CSAD: variants seen among roughly 807,000 people sequenced by gnomAD.
CSAD encodes the protein cysteine sulfinic acid decarboxylase.
In CSAD, 47 loss-of-function variants were observed where a neutral mutation model predicts 61.5. The observed-to-expected ratio is 0.76, with a 90% CI of 0.60 to 0.97. The LOEUF (loss-of-function observed/expected upper bound fraction) is 0.97, where lower values mean the gene tolerates loss of function less well. Among genes scored for constraint, CSAD ranks in the 50% least tolerant of loss-of-function variants. The probability of loss-of-function intolerance (pLI) is 0.00; values close to 1 mark genes in which losing one functional copy is unlikely to be tolerated. For synonymous variants in CSAD, 245 were observed against 252.7 expected (o/e 0.97, Z 0.29); for missense variants, 611 against 643.6 (o/e 0.95, Z 0.55).
At position 53,178,513 on chromosome 12, in the gene CSAD, C is replaced by T. The variant is rs144475546; in HGVS notation, c.-50+589G>A. The T allele has an allele frequency of 1.6e-3, 522 of 318,516 alleles. 2 individuals are homozygous for T. The highest frequency in any genetic ancestry group is 0.011 in the African/African-American group (480 of 45,144). 19.7% of individuals were successfully genotyped at this position (318,516 alleles called of 1,614,324 possible). On this transcript the variant is annotated intron_variant, in intron 2 of 16. Coordinates refer to ENST00000444623, the MANE Select transcript of CSAD (RefSeq NM_001244705.2). ...TCTTTAAACAGAATGAAAATAGGGC[C>T]GGGTGTGGTGGCTCACACCTGGAAT...
chr12:53,160,706 G>A (rs1490378322), intron 13 of CSAD, 57 bp downstream of exon 13: 1 of 1,409,034 alleles, frequency 7.1e-7, no homozygotes, highest in Non-Finnish European at 9.8e-7. Flanking sequence ...AGGTGGGATA[G>A]AGAAGGCAGA....
intron 10 of CSAD, among the ~76,000 whole-genome samples, chr12:53,165,596 G>C (rs574115402): frequency 1.3e-4 from 19 of 149,030 alleles, no homozygotes; most frequent in Non-Finnish European, 2.1e-4. Flanking sequence ...CTGGGAGGCG[G>C]AGCTTGCAGT....
intron 4 of CSAD, 107 bp from the exon 5 acceptor site, chr12:53,172,755 T>C: frequency 8.0e-7 from 1 of 1,246,484 alleles, no homozygotes; most frequent in Non-Finnish European, 1.1e-6. Flanking sequence ...AAAAACAACT[T>C]CGGGATATTT....
At chr12:53,169,773 G>T (rs1055499135) in intron 10 of CSAD, among the ~76,000 whole-genome samples, 5 of 151,852 alleles carry the variant, frequency 3.3e-5, no homozygotes, top group Non-Finnish European at 5.9e-5. Flanking sequence ...GACCCTCACA[G>T]CCCACAGGAA....
chr12:53,171,273 T>G (rs1279822017), intron 8 of CSAD, 53 bp downstream of exon 8: 17 of 1,612,220 alleles, frequency 1.1e-5, no homozygotes, highest in Non-Finnish European at 1.4e-5. Context: ...TCTACTTAGC[T>G]GGCTGGAGAT....
chr12:53,180,570 G>A (rs888819028), intron 1 of CSAD, 162 bp downstream of exon 1: 63 of 1,284,390 alleles, frequency 4.9e-5, no homozygotes, highest in Non-Finnish European at 5.3e-5. Context: ...CACTCACCCA[G>A]CTGCACCTCT....
intron 1 of CSAD, chr12:53,180,492 G>A: frequency 8.2e-7 from 1 of 1,223,986 alleles, no homozygotes; most frequent in Non-Finnish European, 1.0e-6. Flanking sequence ...GCCGGGGCGC[G>A]CCCCGGCCAC....
intron 13 of CSAD, 88 bp from the exon 14 acceptor site, chr12:53,160,407 T>C (rs1033750225): frequency 3.1e-6 from 4 of 1,306,186 alleles, no homozygotes; most frequent in Non-Finnish European, 4.4e-6. Context: ...TAGCTCAGGA[T>C]ACCCTCTTCT....
chr12:53,169,479 CAA>C (rs111958598), intron 10 of CSAD, among the ~76,000 whole-genome samples: 49 of 107,806 alleles, frequency 4.5e-4, no homozygotes, highest in African/African-American at 1.1e-3. Context: ...AACTCCATCT[CAA>C]AAAAAAAAAA....
intron 6 of CSAD, 59 bp downstream of exon 6, chr12:53,172,287 C>T (rs1398561717): frequency 2.8e-6 from 4 of 1,450,244 alleles, no homozygotes; most frequent in Non-Finnish European, 3.9e-6. Context: ...ACCCCTCAGG[C>T]ACCTCTCTAG....
intron 4 of CSAD, among the ~76,000 whole-genome samples, chr12:53,172,973 C>T (rs1419746129): frequency 6.6e-6 from 1 of 152,048 alleles, no homozygotes; most frequent in Non-Finnish European, 1.5e-5. Context: ...TTTGGGAGGC[C>T]GAGGCAGGCA....
chr12:53,171,824 G>A (rs970506847), intron 7 of CSAD, 58 bp downstream of exon 7: 20 of 1,122,510 alleles, frequency 1.8e-5, no homozygotes, highest in Non-Finnish European at 2.4e-5. Flanking sequence ...CAAGAGAACG[G>A]TGGGGGAGGA....
chr12:53,173,879 G>A (rs1940886709), intron 2 of CSAD, 109 bp from the exon 3 acceptor site: 2 of 1,097,402 alleles, frequency 1.8e-6, no homozygotes, highest in East Asian at 2.6e-5. Flanking sequence ...ACTATCTAAC[G>A]CCAGAACATT....
Position 53,160,851 on chromosome 12 carries a change from G to C in CSAD, c.885-7C>G. ...CCAGGCCACAGAGTCAGCCCTGGAT[G>C]GGGTGGAGCAAAGGCAGGTCAGTGG... On this transcript the variant is annotated splice_region_variant and splice_polypyrimidine_tract_variant and intron_variant, in intron 12 of 16. Coordinates refer to ENST00000444623, the MANE Select transcript of CSAD (RefSeq NM_001244705.2). The C allele has an allele frequency of 6.4e-7, 1 of 1,551,472 alleles. No individual in the cohort carries two copies. The highest frequency in any genetic ancestry group is 1.4e-5 in the African/African-American group (1 of 73,144).
chr12:53,177,407 C>T (rs1941192478), intron 2 of CSAD, among the ~76,000 whole-genome samples: 1 of 151,910 alleles, frequency 6.6e-6, no homozygotes, highest in Non-Finnish European at 1.5e-5. Flanking sequence ...TAGTTATTAT[C>T]CATAACACAG....
chr12:53,180,924 A>AG lies in CSAD; in HGVS notation c.-284dup. ...GCAAGCCGTGGGGTGCCGCGCGGGA[A>AG]GGGGGAGGGGAGGGGAGGAGGGGCG... is the stretch of plus-strand genomic sequence containing the variant. On this transcript the variant is annotated 5_prime_UTR_variant, in exon 1 of 17. Transcript: ENST00000444623. 9.1e-6 allele frequency: 4 copies of AG among 440,444 alleles called. No homozygotes were observed. The highest frequency in any genetic ancestry group is 1.0e-5 in the Non-Finnish European group (4 of 382,890). The allele number at this position is 440,444 out of a possible 1,614,324, so 27.3% of individuals were successfully genotyped here.
intron 2 of CSAD, chr12:53,178,324 C>CA (rs752873230): frequency 0.029 from 9,852 of 334,592 alleles, no homozygotes; most frequent in South Asian, 0.042. Flanking sequence ...AACAAAAAAA[C>CA]AAAAAAAAAA....
intron 10 of CSAD, among the ~76,000 whole-genome samples, chr12:53,167,120 C>G (rs1940027786): frequency 1.3e-5 from 2 of 152,110 alleles, no homozygotes; most frequent in Admixed American, 1.3e-4. Flanking sequence ...CAAAATAAAA[C>G]AGTTCCACAC....
chr12:53,166,373 T>A (rs1939942087), intron 10 of CSAD: 1 of 152,880 alleles, frequency 6.5e-6, no homozygotes, highest in Non-Finnish European at 1.5e-5. Context: ...AAATACCGTG[T>A]GATTCCACTT....
Sources: allele counts gnomAD v4.1 joint callset (sites outside exome capture counted in the v4.1 genomes callset), GRCh38; gene constraint gnomAD v4.1.1; transcripts MANE v1.5; gene names NCBI Gene and HGNC (gene_info 2026-07-23, HGNC 2026-07-21).